ADAMTSL2: variants seen among roughly 807,000 people sequenced by gnomAD.
ADAMTSL2 encodes ADAMTS like 2.
Under a neutral mutation model 117.0 loss-of-function variants are expected in ADAMTSL2, and 55 were observed. The ratio of observed to expected loss-of-function variants is 0.47; its 90% confidence interval spans 0.38 to 0.59. ADAMTSL2 has a LOEUF of 0.59. Among genes scored for constraint, ADAMTSL2 ranks in the 20% least tolerant of loss-of-function variants. The pLI, the probability that ADAMTSL2 is intolerant of heterozygous loss-of-function variation, is 0.00. For synonymous variants in ADAMTSL2, 572 were observed against 566.4 expected (o/e 1.01, Z -0.14); for missense variants, 1,182 against 1,354.5 (o/e 0.87, Z 2.00).
At chr9:133,563,743 ACT>A (rs1329861094) in intron 12 of ADAMTSL2, among the ~76,000 whole-genome samples, 2 of 150,252 alleles carry the variant, frequency 1.3e-5, no homozygotes, top group Non-Finnish European at 3.0e-5. Flanking sequence ...GAAGAAGGAA[ACT>A]CTGCTTTACA....
chr9:133,551,179 G>C (rs1409337332), intron 9 of ADAMTSL2, among the ~76,000 whole-genome samples: 1 of 152,178 alleles, frequency 6.6e-6, no homozygotes, highest in Non-Finnish European at 1.5e-5. Context: ...TTCCAGGCCA[G>C]TCCTGGATGG....
In ADAMTSL2 at chr9:133,568,777, G is replaced by A. The variant is rs1831036928; in HGVS notation, c.2244+19G>A. ...GGGACCGGTGAGGCCTGCACTGAGG[G>A]GTGGCTGGGCGTGCGGCTGGTGAGG... On this transcript the variant is annotated intron_variant, in intron 15 of 18. Transcript: ENST00000651351. 8 of 1,612,712 alleles carry A rather than the reference G, an allele frequency of 5.0e-6. No individual in the cohort carries two copies. The highest frequency in any genetic ancestry group is 6.8e-6 in the Non-Finnish European group (8 of 1,179,966).
chr9:133,539,654 C>CGGCTGTCCCGGCTGTCCT (rs1554810800), intron 4 of ADAMTSL2, 117 bp from the exon 5 acceptor site: 6 of 833,706 alleles, frequency 7.2e-6, no homozygotes, highest in East Asian at 2.9e-5. Context: ...GGCCCCCGCA[C>CGGCTGTCCCGGCTGTCCT]GGCTGTCCCG....
At chr9:133,561,111 G>A (rs1463010296) in intron 11 of ADAMTSL2, 87 bp from the exon 12 acceptor site, 8 of 1,183,948 alleles carry the variant, frequency 6.8e-6, no homozygotes, top group South Asian at 2.6e-5. Flanking sequence ...CATACCCTCC[G>A]AAGAAAACTC....
chr9:133,550,239 G>A (rs1341290127), intron 9 of ADAMTSL2, among the ~76,000 whole-genome samples: 2 of 152,214 alleles, frequency 1.3e-5, no homozygotes, highest in Admixed American at 6.5e-5. Flanking sequence ...CTGGAAAAAC[G>A]GCAGTGAAGG....
Position 133,566,920 on chromosome 9 carries a change from C to A in ADAMTSL2, c.1748-16C>A. The A allele has an allele frequency of 1.2e-6, 2 of 1,601,074 alleles. No homozygotes were observed. The highest frequency in any genetic ancestry group is 2.3e-5 in the East Asian group (1 of 44,262). On this transcript the variant is annotated splice_polypyrimidine_tract_variant and intron_variant, in intron 12 of 18. Transcript: ENST00000651351. ...TGCCGGCATGGCTCACAGACCCACC[C>A]CTGTCCCCAACCCAGGGGTCATGTC...
intron 10 of ADAMTSL2, 112 bp from the exon 11 acceptor site, chr9:133,555,446 T>G (rs1271361163): frequency 7.1e-7 from 1 of 1,411,198 alleles, no homozygotes; most frequent in Non-Finnish European, 9.9e-7. Context: ...TCTGGGAGCT[T>G]CTTGGTTCAG....
chr9:133,536,647 C>T lies in ADAMTSL2; in HGVS notation c.-66C>T, dbSNP rs1320551721. Reference sequence around the variant, plus strand: ...TGGGCCCCGAGGGCTCTTCCCAAAGCGTACCCTGGTCATCTGGAAGAGGAT... The same window carrying T: ...TGGGCCCCGAGGGCTCTTCCCAAAGTGTACCCTGGTCATCTGGAAGAGGAT... On this transcript the variant is annotated 5_prime_UTR_variant, in exon 2 of 19. Transcript: ENST00000651351. 31 of 1,614,036 alleles carry T rather than the reference C, an allele frequency of 1.9e-5. No individual in the cohort carries two copies. Among genetic ancestry groups the T allele is most frequent in the Non-Finnish European group, 2.4e-5 (28 of 1,180,006 alleles).
Position 133,555,838 on chromosome 9 carries a change from C to A in ADAMTSL2, c.1557C>A (p.Ser519Arg). The A allele has an allele frequency of 6.2e-7, 1 of 1,613,586 alleles. No individual in the cohort carries two copies. Among genetic ancestry groups the A allele is most frequent in the South Asian group, 1.1e-5 (1 of 91,082 alleles). ...ACGGGTCCTACCTGGAGCTGAGCAG[C>A]GACAGGGTTGCCAACAGCTCCTCCG... ...LLNGSYLELS[S>R]DRVANSSSEA... Residue 519 changes from serine (S) to arginine (R), a missense_variant, in exon 11 of 19, where the codon AGC becomes AGA. Ser to Arg is a moderately radical substitution (Grantham distance 110, BLOSUM62 -1). Around this residue, in one of 3 missense-constraint regions of ADAMTSL2, gnomAD observed 345 missense variants for 325.8 expected, o/e 1.06. Transcript: ENST00000651351.
At chr9:133,556,907 C>T (rs1830615657) in intron 11 of ADAMTSL2, among the ~76,000 whole-genome samples, 1 of 152,218 alleles carries the variant, frequency 6.6e-6, no homozygotes, top group South Asian at 2.1e-4. Context: ...TGCAGGTCCC[C>T]ACAGTTTCTC....
intron 4 of ADAMTSL2, 106 bp from the exon 5 acceptor site, chr9:133,539,665 G>GCTGTCCCGGCTGTCCCGGCTGTCCCGT: frequency 2.6e-6 from 3 of 1,136,938 alleles, no homozygotes; most frequent in Non-Finnish European, 3.8e-6. Flanking sequence ...GGCTGTCCCG[G>GCTGTCCCGGCTGTCCCGGCTGTCCCGT]CTGTCCCGGC....
intron 6 of ADAMTSL2, 30 bp downstream of exon 6, chr9:133,540,773 C>A (rs200020324): frequency 2.5e-6 from 4 of 1,613,492 alleles, no homozygotes; most frequent in Non-Finnish European, 2.5e-6. Flanking sequence ...AAAGTACCGC[C>A]GGTCTCACTG....
At chr9:133,569,765 A>G (rs980322474) in intron 16 of ADAMTSL2, among the ~76,000 whole-genome samples, 187 bp downstream of exon 16, 44 of 152,386 alleles carry the variant, frequency 2.9e-4, no homozygotes, top group African/African-American at 1.0e-3. Context: ...ACACCTTACA[A>G]GTCCCCAAAT....
intron 9 of ADAMTSL2, among the ~76,000 whole-genome samples, chr9:133,550,900 T>G (rs11559486): frequency 0.53 from 80,371 of 151,820 alleles, 21,557 homozygotes; most frequent in African/African-American, 0.57. Flanking sequence ...TGGTGACACT[T>G]CCTGGTACAA....
At chr9:133,546,870 C>G (rs775811857) in intron 8 of ADAMTSL2, among the ~76,000 whole-genome samples, 168 bp from the exon 9 acceptor site, 1 of 152,184 alleles carries the variant, frequency 6.6e-6, no homozygotes, top group Non-Finnish European at 1.5e-5. Context: ...GCGTTTGCCC[C>G]TCCTCCGCAT....
chr9:133,536,489 G>A lies in ADAMTSL2; in HGVS notation c.-150-74G>A, dbSNP rs1588273529. ...GCCGCTGGGTGTCTTGCCTGAAGCA[G>A]GCATTACTAATCATTCACCAAGCTC... On this transcript the variant is annotated intron_variant, in intron 1 of 18. Transcript: ENST00000651351. 4 of 1,485,782 alleles carry A rather than the reference G, an allele frequency of 2.7e-6. No homozygotes were observed. The African/African-American group carries it at 5.6e-5, about 21-fold the overall frequency. The allele number at this position is 1,485,782 out of a possible 1,614,324, so 92.0% of individuals were successfully genotyped here.
intron 13 of ADAMTSL2, among the ~76,000 whole-genome samples, chr9:133,567,874 G>A (rs1831011373): frequency 6.6e-6 from 1 of 152,212 alleles, no homozygotes; most frequent in South Asian, 2.1e-4. Flanking sequence ...TCAAGCTAAG[G>A]GGAAGGAGAG....
Position 133,555,737 on chromosome 9 carries a change from G to C in ADAMTSL2, c.1456G>C (p.Ala486Pro). The part of the protein sequence containing the change: ...ETVNSIFAQG[A>P]PRSSLAESFF... ...TGTGAACAGCATCTTTGCACAGGGC[G>C]CCCCAAGGAGCTCCCTGGCCGAGAG... The change falls in exon 11 of 19, where the codon GCC (alanine) becomes CCC (proline). Residue 486 changes from alanine to proline, a missense_variant. Transcript: ENST00000651351. The C allele has an allele frequency of 1.9e-6, 3 of 1,613,998 alleles. No individual in the cohort carries two copies. Among genetic ancestry groups the C allele is most frequent in the Non-Finnish European group, 2.5e-6 (3 of 1,180,032 alleles).
chr9:133,561,213 G>A lies in ADAMTSL2; in HGVS notation c.1665G>A (p.Ala555=), dbSNP rs1442484596. 30 of 1,607,312 alleles carry A rather than the reference G, an allele frequency of 1.9e-5. No individual in the cohort carries two copies. The highest frequency in any genetic ancestry group is 1.1e-4 in the African/African-American group (8 of 74,902). The change falls in exon 12 of 19, where the codon GCG becomes GCA. Residue 555 remains alanine, a synonymous_variant. Transcript: ENST00000651351. ...RTHKARTRPK[A]RKQGVSPADM... ...TCGCTTTCAGGACCAGGCCCAAGGCGCGCAAGCAAGGCGTGAGTCCCGCGG... is the reference window on the plus strand; with the variant it reads ...TCGCTTTCAGGACCAGGCCCAAGGCACGCAAGCAAGGCGTGAGTCCCGCGG...
Sources: gnomAD v4.1 joint callset for allele counts (sites outside exome capture counted in the v4.1 genomes callset) on GRCh38, gnomAD v4.1.1 for gene constraint, gnomAD v4.1.1 regional missense constraint, MANE v1.5 for transcripts, NCBI Gene and HGNC (gene_info 2026-07-23, HGNC 2026-07-21) for gene names.